The following BNC2 variants were observed in gnomAD, a reference collection of about 807,000 sequenced individuals.
BNC2 encodes zinc finger protein basonuclin-2.
In BNC2, 20 loss-of-function variants were observed where a neutral mutation model predicts 76.3. The ratio of observed to expected loss-of-function variants is 0.26; its 90% CI spans 0.18 to 0.38. The LOEUF is 0.38. Ranked by LOEUF, BNC2 falls within the 10% of genes least tolerant of loss-of-function variation. The pLI is 1.00. For synonymous variants in BNC2, 582 were observed against 514.8 expected (o/e 1.13, Z -1.77); for missense variants, 1,382 against 1,399.8 (o/e 0.99, Z 0.20).
chr9:16,678,758 CCT>C (rs1822735303), intron 3 of BNC2, among the ~76,000 whole-genome samples: 1 of 151,164 alleles, frequency 6.6e-6, no homozygotes, highest in Non-Finnish European at 1.5e-5. Context: ...TACTTTGGAA[CCT>C]ACACACCATT....
intron 5 of BNC2, among the ~76,000 whole-genome samples, chr9:16,492,256 G>C (rs1002920506): frequency 6.6e-6 from 1 of 152,068 alleles, no homozygotes; most frequent in Non-Finnish European, 1.5e-5. Flanking sequence ...TCATGTCTAA[G>C]TTCCAGGTTC....
At chr9:16,630,127 GC>G (rs754810450) in intron 3 of BNC2, among the ~76,000 whole-genome samples, 3 of 152,172 alleles carry the variant, frequency 2.0e-5, no homozygotes, top group Non-Finnish European at 4.4e-5. Context: ...AAGGAGGTAT[GC>G]CTATGTTCAA....
intron 2 of BNC2, among the ~76,000 whole-genome samples, chr9:16,734,087 C>G (rs1457981047): frequency 6.6e-6 from 1 of 152,128 alleles, no homozygotes; most frequent in African/African-American, 2.4e-5. Context: ...TTTAAGGAAC[C>G]TGGACAGCTA....
At chr9:16,695,062 T>A (rs761136513) in intron 3 of BNC2, among the ~76,000 whole-genome samples, 2 of 152,172 alleles carry the variant, frequency 1.3e-5, no homozygotes, top group Non-Finnish European at 2.9e-5. Flanking sequence ...TCCTTGGGAA[T>A]CTTATGAAAA....
intron 1 of BNC2, among the ~76,000 whole-genome samples, chr9:16,854,689 T>C (rs952049822): frequency 1.3e-5 from 2 of 151,908 alleles, no homozygotes; most frequent in African/African-American, 4.8e-5. Context: ...ATTAGATCCA[T>C]AAAAAACCAA....
At chr9:16,802,533 T>C (rs4448381) in intron 1 of BNC2, among the ~76,000 whole-genome samples, 80,336 of 152,166 alleles carry the variant, frequency 0.53, 26,251 homozygotes, top group Non-Finnish European at 0.76. Context: ...CAAATGTGCA[T>C]TGGTCTTGCT....
At chr9:16,808,479 CTTTTTT>C (rs768028981) in intron 1 of BNC2, among the ~76,000 whole-genome samples, 1 of 78,678 alleles carries the variant, frequency 1.3e-5, no homozygotes, top group Non-Finnish European at 2.2e-5. Context: ...TCTTGGGCAA[CTTTTTT>C]TTTTTTTTTT....
intron 1 of BNC2, among the ~76,000 whole-genome samples, chr9:16,811,230 C>CAAAAAAAAAAA (rs58068661): frequency 0.24 from 22,602 of 92,856 alleles, 3,347 homozygotes; most frequent in Non-Finnish European, 0.4. Flanking sequence ...CTCAAAAGAC[C>CAAAAAAAAAAA]AAAAAAAAAA....
chr9:16,643,725 T>C (rs1010065402), intron 3 of BNC2, among the ~76,000 whole-genome samples: 6 of 152,184 alleles, frequency 3.9e-5, no homozygotes, highest in Admixed American at 1.3e-4. Flanking sequence ...TAAGGGTAGC[T>C]GCTATTCAAA....
At chr9:16,783,140 A>G (rs1403244514) in intron 1 of BNC2, among the ~76,000 whole-genome samples, 3 of 152,206 alleles carry the variant, frequency 2.0e-5, no homozygotes, top group Admixed American at 2.0e-4. Context: ...ACAATTTGCA[A>G]ATAAACAGAA....
chr9:16,596,863 C>T (rs1342636310), intron 3 of BNC2, among the ~76,000 whole-genome samples: 1 of 152,004 alleles, frequency 6.6e-6, no homozygotes, highest in Non-Finnish European at 1.5e-5. Flanking sequence ...ATTGTATTTA[C>T]TAAGTTCATG....
intron 1 of BNC2, among the ~76,000 whole-genome samples, chr9:16,791,454 T>C (rs1817509862): frequency 6.6e-6 from 1 of 152,140 alleles, no homozygotes; most frequent in South Asian, 2.1e-4. Context: ...AAATTGTGTA[T>C]ATTAAAATCA....
intron 5 of BNC2, among the ~76,000 whole-genome samples, chr9:16,538,550 A>G (rs1818199085): frequency 6.6e-6 from 1 of 152,198 alleles, no homozygotes; most frequent in African/African-American, 2.4e-5. Context: ...ACTAAAAGGA[A>G]ATTTTAAAAT....
chr9:16,634,191 G>A (rs1821248928), intron 3 of BNC2, among the ~76,000 whole-genome samples: 1 of 152,148 alleles, frequency 6.6e-6, no homozygotes, highest in Non-Finnish European at 1.5e-5. Flanking sequence ...ATGGACTTAG[G>A]TATGCTATAG....
chr9:16,517,882 A>T (rs1817487171), intron 5 of BNC2, among the ~76,000 whole-genome samples: 1 of 152,128 alleles, frequency 6.6e-6, no homozygotes, highest in East Asian at 1.9e-4. Context: ...TAATTGCAGA[A>T]TTCTCAGCCA....
At chr9:16,610,954 G>A (rs538791538) in intron 3 of BNC2, among the ~76,000 whole-genome samples, 11 of 151,974 alleles carry the variant, frequency 7.2e-5, no homozygotes, top group Non-Finnish European at 1.2e-4. Flanking sequence ...ATTACACTGC[G>A]GTTCTTTATA....
At chr9:16,550,843 T>C (rs1350331691) in intron 5 of BNC2, among the ~76,000 whole-genome samples, 2 of 152,210 alleles carry the variant, frequency 1.3e-5, no homozygotes, top group Admixed American at 6.5e-5. Context: ...AACAGTTCCA[T>C]ACAAACAACT....
chr9:16,459,274 C>T (rs575779665), intron 5 of BNC2, among the ~76,000 whole-genome samples: 2 of 152,262 alleles, frequency 1.3e-5, no homozygotes. Context: ...GAGTTTCATG[C>T]TCACATGTAG....
intron 1 of BNC2, among the ~76,000 whole-genome samples, chr9:16,808,049 G>GGCC (rs1817955019): frequency 6.6e-6 from 1 of 152,164 alleles, no homozygotes; most frequent in Admixed American, 6.5e-5. Context: ...TGGCAAAAAG[G>GGCC]AGGTGGGCCA....
Sources: allele counts gnomAD v4.1 joint callset (sites outside exome capture counted in the v4.1 genomes callset), GRCh38; gene constraint gnomAD v4.1.1; transcripts MANE v1.5; gene names NCBI Gene and HGNC (gene_info 2026-07-23, HGNC 2026-07-21).